The following CLIC4 variants were observed in gnomAD, a reference collection of about 807,000 sequenced individuals.
CLIC4 encodes the protein chloride intracellular channel protein 4.
A neutral mutation model predicts 24.6 loss-of-function variants in CLIC4; 13 were observed. That is an observed-to-expected ratio of 0.53 (90% CI 0.34 to 0.84). The LOEUF (loss-of-function observed/expected upper bound fraction) is 0.84. CLIC4 is among the 40% of genes least tolerant of loss of function. The probability of loss-of-function intolerance (pLI) is 0.01; values close to 1 mark genes in which losing one functional copy is unlikely to be tolerated. For synonymous variants in CLIC4, 104 were observed against 111.3 expected (o/e 0.93, Z 0.41); for missense variants, 227 against 301.7 (o/e 0.75, Z 1.83).
chr1:24,827,695 A>C (rs565038872), intron 4 of CLIC4, among the ~76,000 whole-genome samples: 2 of 152,130 alleles, frequency 1.3e-5, no homozygotes, highest in South Asian at 4.1e-4. Context: ...TTCATTTTCA[A>C]GTCATGTTTT....
intron 2 of CLIC4, among the ~76,000 whole-genome samples, chr1:24,799,172 C>T (rs1639442591): frequency 6.6e-6 from 1 of 151,432 alleles, no homozygotes; most frequent in Non-Finnish European, 1.5e-5. Context: ...GCGTCTCCGC[C>T]TGGCCGCCAT....
At chr1:24,792,908 C>T (rs1639356437) in intron 1 of CLIC4, among the ~76,000 whole-genome samples, 1 of 152,234 alleles carries the variant, frequency 6.6e-6, no homozygotes, top group African/African-American at 2.4e-5. Flanking sequence ...ACTGGCTCTG[C>T]AGACCACTGT....
intron 1 of CLIC4, among the ~76,000 whole-genome samples, chr1:24,782,212 C>G (rs1639213890): frequency 6.6e-6 from 1 of 152,138 alleles, no homozygotes; most frequent in Admixed American, 6.5e-5. Flanking sequence ...GAACCACTGG[C>G]AAGCCCATAA....
intron 2 of CLIC4, among the ~76,000 whole-genome samples, chr1:24,799,705 G>T (rs1383551428): frequency 7.2e-6 from 1 of 139,300 alleles, no homozygotes; most frequent in Non-Finnish European, 1.6e-5. Context: ...AGGTGGGGGG[G>T]TCAGCCCCCC....
intron 3 of CLIC4, among the ~76,000 whole-genome samples, chr1:24,825,272 G>A (rs1378360975): frequency 1.3e-5 from 2 of 152,158 alleles, no homozygotes; most frequent in African/African-American, 4.8e-5. Context: ...TAGATGTATT[G>A]AAAAGGCATT....
chr1:24,815,465 G>A (rs2124153892), intron 3 of CLIC4, among the ~76,000 whole-genome samples: 1 of 152,312 alleles, frequency 6.6e-6, no homozygotes, highest in Non-Finnish European at 1.5e-5. Context: ...TCGTGCCACT[G>A]CACTCCAGCC....
At chr1:24,781,972 A>G (rs1387673793) in intron 1 of CLIC4, among the ~76,000 whole-genome samples, 1 of 152,100 alleles carries the variant, frequency 6.6e-6, no homozygotes, top group African/African-American at 2.4e-5. Flanking sequence ...ATTTTTAAAG[A>G]CTATTGTACG....
intron 1 of CLIC4, among the ~76,000 whole-genome samples, chr1:24,756,901 G>GTT (rs551557337): frequency 7.4e-6 from 1 of 134,448 alleles, no homozygotes; most frequent in Non-Finnish European, 1.5e-5. Context: ...TTTTTTTAAT[G>GTT]TTTTTTTTTT....
chr1:24,767,294 A>G (rs1639013505), intron 1 of CLIC4, among the ~76,000 whole-genome samples: 1 of 152,184 alleles, frequency 6.6e-6, no homozygotes, highest in South Asian at 2.1e-4. Context: ...TGTAAAGATT[A>G]TAAGAGTTAA....
intron 1 of CLIC4, among the ~76,000 whole-genome samples, chr1:24,746,596 G>A (rs982482757): frequency 1.3e-5 from 2 of 152,116 alleles, no homozygotes; most frequent in African/African-American, 4.8e-5. Flanking sequence ...CACTTAAAAA[G>A]CCAGGCTCAT....
intron 1 of CLIC4, 103 bp downstream of exon 1, chr1:24,745,728 C>CAG (rs1638681733): frequency 1.1e-6 from 1 of 895,398 alleles, no homozygotes; most frequent in Non-Finnish European, 1.6e-6. Flanking sequence ...CGCTCGGCGC[C>CAG]AGCACCCGTC....
At chr1:24,790,233 G>T (rs1365091264) in intron 1 of CLIC4, among the ~76,000 whole-genome samples, 1 of 152,032 alleles carries the variant, frequency 6.6e-6, no homozygotes, top group Non-Finnish European at 1.5e-5. Flanking sequence ...CACCACACTC[G>T]GCTGATTTTT....
intron 1 of CLIC4, among the ~76,000 whole-genome samples, chr1:24,773,778 A>G (rs1571236864): frequency 6.6e-6 from 1 of 151,542 alleles, no homozygotes; most frequent in South Asian, 2.1e-4. Context: ...CTTATTTTTC[A>G]TAGAGATGGG....
chr1:24,763,239 C>T (rs1447726466), intron 1 of CLIC4, among the ~76,000 whole-genome samples: 2 of 151,994 alleles, frequency 1.3e-5, no homozygotes, highest in East Asian at 1.9e-4. Flanking sequence ...TTTTGTTGGT[C>T]TCTACTAAAG....
chr1:24,830,135 A>G (rs1310780184), intron 4 of CLIC4, among the ~76,000 whole-genome samples: 1 of 152,194 alleles, frequency 6.6e-6, no homozygotes, highest in Non-Finnish European at 1.5e-5. Flanking sequence ...AATCATACAA[A>G]TAACAGAGAA....
At chr1:24,819,545 C>T (rs1239989781) in intron 3 of CLIC4, among the ~76,000 whole-genome samples, 3 of 150,568 alleles carry the variant, frequency 2.0e-5, no homozygotes, top group African/African-American at 7.3e-5. Flanking sequence ...TCAGGAGATT[C>T]TCCTGCCTTA....
At chr1:24,807,176 TTC>T (rs1639559356) in intron 2 of CLIC4, among the ~76,000 whole-genome samples, 1 of 151,894 alleles carries the variant, frequency 6.6e-6, no homozygotes, top group Non-Finnish European at 1.5e-5. Context: ...TTAAGAATCT[TTC>T]TGTTTAGAGA....
In CLIC4 at chr1:24,769,162, T is replaced by G. The variant is rs187925678; in HGVS notation, c.72+23537T>G. On this transcript the variant is annotated intron_variant, in intron 1 of 5. Coordinates refer to ENST00000374379, the MANE Select transcript of CLIC4 (RefSeq NM_013943.3). ...AGAAAACAAACAAAAAAACATAATG[T>G]AAGAATCATGAAGTGACTTTAAAAT... 1.3e-3 allele frequency among the ~76,000 whole-genome samples: 192 copies of G among 152,080 alleles called. 1 individual carries two copies. Among genetic ancestry groups the G allele is most frequent in the Non-Finnish European group, 2.4e-3 (162 of 67,958 alleles).
chr1:24,822,505 C>T (rs867548148), intron 3 of CLIC4, among the ~76,000 whole-genome samples: 2 of 151,830 alleles, frequency 1.3e-5, no homozygotes, highest in Non-Finnish European at 2.9e-5. Context: ...TGCACCACCA[C>T]GCCTGGCTAA....
Sources: allele counts gnomAD v4.1 joint callset (sites outside exome capture counted in the v4.1 genomes callset), GRCh38; gene constraint gnomAD v4.1.1; transcripts MANE v1.5; gene names NCBI Gene and HGNC (gene_info 2026-07-23, HGNC 2026-07-21).